DDX60: variants seen among roughly 807,000 people sequenced by gnomAD.
DDX60 encodes DExD/H-box helicase 60.
Under a neutral mutation model 212.8 loss-of-function variants are expected in DDX60, and 165 were observed. That is an observed-to-expected ratio of 0.78 (90% CI 0.68 to 0.88). The LOEUF (loss-of-function observed/expected upper bound fraction) is 0.88. DDX60 is among the 40% of genes least tolerant of loss of function. The probability of loss-of-function intolerance (pLI) is 0.00; values close to 1 mark genes in which losing one functional copy is unlikely to be tolerated. For synonymous variants in DDX60, 703 were observed against 685.3 expected (o/e 1.03, Z -0.40); for missense variants, 1,905 against 2,003.9 (o/e 0.95, Z 0.94).
intron 6 of DDX60, among the ~76,000 whole-genome samples, chr4:168,294,603 C>T (rs776290432): frequency 8.6e-5 from 13 of 152,008 alleles, no homozygotes; most frequent in Non-Finnish European, 1.6e-4. Flanking sequence ...CAGGCTCAAG[C>T]GATTCTCTTG....
In DDX60 at chr4:168,274,063, CACA is replaced by C. The variant is rs1735220514; in HGVS notation, c.2322_2324del (p.Val775del). 1.9e-6 allele frequency: 3 copies of C among 1,614,138 alleles called. No homozygotes were observed. The highest frequency in any genetic ancestry group is 2.5e-6 in the Non-Finnish European group (3 of 1,179,998). ...CAATCACTGCTGACTCATTCTTATCCACAACATCAAGGAGCTCTCGCTGCAGGG... is the reference window on the plus strand; with the variant it reads ...CAATCACTGCTGACTCATTCTTATCCACATCAAGGAGCTCTCGCTGCAGGG... On this transcript the variant is annotated inframe_deletion, in exon 17 of 38. Coordinates refer to ENST00000393743, the MANE Select transcript of DDX60 (RefSeq NM_017631.6).
intron 14 of DDX60, among the ~76,000 whole-genome samples, chr4:168,280,064 A>T (rs1404589570): frequency 6.6e-6 from 1 of 152,170 alleles, no homozygotes; most frequent in Non-Finnish European, 1.5e-5. Flanking sequence ...GCAGGAGTTC[A>T]AAGAAATTAA....
intron 33 of DDX60, among the ~76,000 whole-genome samples, chr4:168,235,480 T>G (rs567523178): frequency 6.3e-4 from 96 of 152,230 alleles, no homozygotes; most frequent in Non-Finnish European, 1.1e-3. Context: ...CAAAAATGCA[T>G]GAGTGGTGAA....
chr4:168,283,382 C>T (rs1027717712), intron 13 of DDX60, 64 bp downstream of exon 13: 3 of 1,418,344 alleles, frequency 2.1e-6, no homozygotes, highest in Non-Finnish European at 2.9e-6. Context: ...AAAGGGATAA[C>T]ACATATCAAC....
chr4:168,292,751 G>T (rs1207043855), intron 7 of DDX60, among the ~76,000 whole-genome samples: 1 of 152,166 alleles, frequency 6.6e-6, no homozygotes, highest in Admixed American at 6.5e-5. Context: ...TCAAACATTT[G>T]CAGGGCTATC....
chr4:168,317,673 T>C (rs1240793183), intron 1 of DDX60, among the ~76,000 whole-genome samples: 4 of 152,168 alleles, frequency 2.6e-5, no homozygotes, highest in Non-Finnish European at 5.9e-5. Flanking sequence ...ATAGTCTCTT[T>C]AATGATTCGG....
chr4:168,220,225 G>A (rs1733003044), intron 37 of DDX60, among the ~76,000 whole-genome samples: 1 of 152,106 alleles, frequency 6.6e-6, no homozygotes, highest in South Asian at 2.1e-4. Context: ...GAAAACATCA[G>A]AGAAAACACA....
chr4:168,246,280 C>A (rs12510946), intron 30 of DDX60, 138 bp downstream of exon 30: 2 of 974,586 alleles, frequency 2.1e-6, no homozygotes, highest in Non-Finnish European at 1.5e-6. Flanking sequence ...CAATTCTATA[C>A]GATTCAAGAC....
At chr4:168,275,256 T>G in intron 16 of DDX60, 89 bp downstream of exon 16, 2 of 1,175,062 alleles carry the variant, frequency 1.7e-6, no homozygotes, top group Non-Finnish European at 2.3e-6. Context: ...GAACATCAAA[T>G]ATAACATGTA....
chr4:168,246,121 T>C (rs908605502), intron 30 of DDX60, among the ~76,000 whole-genome samples: 1 of 152,220 alleles, frequency 6.6e-6, no homozygotes, highest in Admixed American at 6.5e-5. Context: ...TAGAGCTTTT[T>C]AAATCCATAG....
At chr4:168,242,284 G>A (rs1032900721) in intron 30 of DDX60, among the ~76,000 whole-genome samples, 18 of 152,178 alleles carry the variant, frequency 1.2e-4, no homozygotes, top group African/African-American at 4.3e-4. Context: ...CTGGGGCACT[G>A]CCTATTGGAG....
intron 19 of DDX60, among the ~76,000 whole-genome samples, chr4:168,269,600 CA>C (rs952245388): frequency 0.025 from 3,453 of 140,396 alleles, 119 homozygotes; most frequent in African/African-American, 0.081. Context: ...GACTCCATCT[CA>C]AAAAAAAAAA....
At chr4:168,261,977 G>T in intron 24 of DDX60, 23 bp downstream of exon 24, 3 of 1,572,222 alleles carry the variant, frequency 1.9e-6, no homozygotes, top group Non-Finnish European at 2.6e-6. Context: ...ATAAAGTTTG[G>T]CCAAAAAGCG....
intron 12 of DDX60, among the ~76,000 whole-genome samples, chr4:168,284,573 C>A (rs1016477235): frequency 1.3e-5 from 2 of 152,188 alleles, no homozygotes; most frequent in African/African-American, 4.8e-5. Flanking sequence ...AAACTACAAA[C>A]CATCTTTCCT....
chr4:168,278,451 T>A (rs1735445414), intron 14 of DDX60, among the ~76,000 whole-genome samples: 1 of 152,186 alleles, frequency 6.6e-6, no homozygotes, highest in Non-Finnish European at 1.5e-5. Context: ...TCCTCTGAAA[T>A]GAGTGACAAT....
intron 25 of DDX60, among the ~76,000 whole-genome samples, chr4:168,257,186 C>T (rs910365798): frequency 6.6e-6 from 1 of 152,168 alleles, no homozygotes; most frequent in African/African-American, 2.4e-5. Flanking sequence ...GTGGCACATG[C>T]CTGTAATCCC....
At position 168,263,903 on chromosome 4, in the gene DDX60, T is replaced by C. The variant is rs763996486; in HGVS notation, c.3040-1116A>G. The stretch of plus-strand genomic sequence containing the variant: ...AAAGAGAGAGAAATGATATATATTG[T>C]ATCAAATAGGATTCTTTGGGATTTC... On this transcript the variant is annotated intron_variant, in intron 22 of 37. Transcript: ENST00000393743. Among the ~76,000 whole-genome samples the C allele has an allele frequency of 3.9e-5, 6 of 152,240 alleles. No individual in the cohort carries two copies. The East Asian group carries it at 5.8e-4, about 15-fold the overall frequency.
intron 8 of DDX60, among the ~76,000 whole-genome samples, chr4:168,289,598 C>T (rs753907895): frequency 1.3e-5 from 2 of 152,116 alleles, no homozygotes; most frequent in Non-Finnish European, 2.9e-5. Context: ...AAGTCCAAAA[C>T]ATTATTTCAA....
chr4:168,235,848 A>T (rs1262418354), intron 33 of DDX60, among the ~76,000 whole-genome samples: 1 of 152,082 alleles, frequency 6.6e-6, no homozygotes, highest in Non-Finnish European at 1.5e-5. Context: ...CAGTGAAGAC[A>T]TTATAATTCA....
Sources: gnomAD v4.1 joint callset for allele counts (sites outside exome capture counted in the v4.1 genomes callset) on GRCh38, gnomAD v4.1.1 for gene constraint, MANE v1.5 for transcripts, NCBI Gene and HGNC (gene_info 2026-07-23, HGNC 2026-07-21) for gene names.